STARD13: variants seen among roughly 807,000 people sequenced by gnomAD.
STARD13 encodes the protein StAR related lipid transfer domain containing 13, also known as stAR-related lipid transfer protein 13.
A neutral mutation model predicts 106.4 loss-of-function variants in STARD13; 62 were observed. That is an observed-to-expected ratio of 0.58 (90% CI 0.48 to 0.72). The LOEUF (loss-of-function observed/expected upper bound fraction) is 0.72. STARD13 is among the 30% of genes least tolerant of loss of function. STARD13 has a pLI of 0.00. For missense variants in STARD13, 1,387 were observed against 1,424.0 expected (o/e 0.97, Z 0.42); for synonymous variants, 565 against 553.0 (o/e 1.02, Z -0.31).
At chr13:33,122,931 T>C (rs1876565315) in intron 7 of STARD13, among the ~76,000 whole-genome samples, 1 of 151,730 alleles carries the variant, frequency 6.6e-6, no homozygotes, top group Admixed American at 6.6e-5. Context: ...GGTGCGTGCC[T>C]GTAAATCCCA....
the STARD13 span, among the ~76,000 whole-genome samples, chr13:33,575,923 CTAA>C: frequency 0.022 from 3,352 of 152,122 alleles, 113 homozygotes; most frequent in African/African-American, 0.077. Context: ...AGACACTTGC[CTAA>C]TAATGTTCAG....
chr13:33,172,679 C>A (rs998147606), intron 1 of STARD13, among the ~76,000 whole-genome samples: 1 of 152,122 alleles, frequency 6.6e-6, no homozygotes, highest in Non-Finnish European at 1.5e-5. Context: ...TTACGTTTTT[C>A]TCAGCATAGC....
chr13:33,430,278 G>A, the STARD13 span, among the ~76,000 whole-genome samples: 1 of 152,302 alleles, frequency 6.6e-6, no homozygotes, highest in Non-Finnish European at 1.5e-5. Flanking sequence ...AAATTATTGA[G>A]GGGATGGATA....
At chr13:33,512,258 A>G in the STARD13 span, among the ~76,000 whole-genome samples, 2,051 of 152,314 alleles carry the variant, frequency 0.013, 36 homozygotes, top group Admixed American at 0.044. Flanking sequence ...AGGACTGCTG[A>G]TTAAAGTGAT....
At chr13:33,427,839 T>C in the STARD13 span, among the ~76,000 whole-genome samples, 20 of 151,472 alleles carry the variant, frequency 1.3e-4, no homozygotes, top group African/African-American at 3.6e-4. Context: ...CCTGTAATCC[T>C]AGCTACTCGG....
At chr13:33,533,352 T>C in the STARD13 span, among the ~76,000 whole-genome samples, 12 of 152,274 alleles carry the variant, frequency 7.9e-5, no homozygotes, top group Admixed American at 6.5e-4. Flanking sequence ...AGCTTTAAAT[T>C]AGGTAAGATT....
chr13:33,441,022 C>T, the STARD13 span, among the ~76,000 whole-genome samples: 1 of 151,954 alleles, frequency 6.6e-6, no homozygotes, highest in Non-Finnish European at 1.5e-5. Context: ...ACCTCCTCCT[C>T]CACCTCCTTG....
At chr13:33,488,660 T>C in the STARD13 span, among the ~76,000 whole-genome samples, 1 of 152,218 alleles carries the variant, frequency 6.6e-6, no homozygotes, top group Non-Finnish European at 1.5e-5. Context: ...TTCCTGATCA[T>C]ACAAACACTT....
chr13:33,263,140 G>A (rs968943616), intron 1 of STARD13, among the ~76,000 whole-genome samples: 2 of 152,146 alleles, frequency 1.3e-5, no homozygotes, highest in Non-Finnish European at 2.9e-5. Flanking sequence ...TTTCTCAACA[G>A]TGGCACTATT....
chr13:33,132,987 T>A (rs1387439099), intron 4 of STARD13, among the ~76,000 whole-genome samples: 4 of 152,178 alleles, frequency 2.6e-5, no homozygotes, highest in African/African-American at 9.7e-5. Flanking sequence ...TTGTATTGCA[T>A]TTTAGGAAGC....
At chr13:33,242,058 C>T (rs1439732896) in intron 1 of STARD13, among the ~76,000 whole-genome samples, 9 of 150,744 alleles carry the variant, frequency 6.0e-5, no homozygotes, top group East Asian at 3.9e-4. Flanking sequence ...ATGTAGGGAG[C>T]GCCTCTGCCT....
At chr13:33,187,863 T>C (rs541661607) in intron 1 of STARD13, among the ~76,000 whole-genome samples, 1 of 152,256 alleles carries the variant, frequency 6.6e-6, no homozygotes, top group South Asian at 2.1e-4. Context: ...TTGTATTTTT[T>C]AGTAGAGACA....
chr13:33,498,848 A>G, the STARD13 span, among the ~76,000 whole-genome samples: 18 of 152,226 alleles, frequency 1.2e-4, no homozygotes, highest in African/African-American at 4.3e-4. Flanking sequence ...AATAGTCTCA[A>G]ATTCTTCCTA....
chr13:33,177,986 AAAGGAAGGAAGGAAGGAAGGAAGGAAAGG>A (rs1884852929), intron 1 of STARD13, among the ~76,000 whole-genome samples: 1 of 7,762 alleles, frequency 1.3e-4, no homozygotes, highest in African/African-American at 1.3e-3. Context: ...GGAAGGAAGG[AAAGGAAGGAAGGAAGGAAGGAAGGAAAGG>A]AAGGAAGGAA....
At chr13:33,316,762 C>G (rs992520073) in intron 1 of STARD13, among the ~76,000 whole-genome samples, 1 of 152,130 alleles carries the variant, frequency 6.6e-6, no homozygotes, top group Non-Finnish European at 1.5e-5. Context: ...GCATTCATTT[C>G]TTCATCTCCC....
At chr13:33,612,499 T>G in the STARD13 span, among the ~76,000 whole-genome samples, 3 of 152,126 alleles carry the variant, frequency 2.0e-5, no homozygotes, top group Admixed American at 2.0e-4. Context: ...GGGCACAGCC[T>G]CCTGGAAGCC....
the STARD13 span, among the ~76,000 whole-genome samples, chr13:33,632,533 C>G: frequency 6.6e-6 from 1 of 152,096 alleles, no homozygotes; most frequent in African/African-American, 2.4e-5. Flanking sequence ...GGATTTTGCT[C>G]CAAAGTATCC....
intron 1 of STARD13, among the ~76,000 whole-genome samples, chr13:33,233,490 T>G (rs1458649981): frequency 6.6e-6 from 1 of 152,190 alleles, no homozygotes; most frequent in Non-Finnish European, 1.5e-5. Context: ...CTGTCCCTTC[T>G]CCAGTTCTCC....
At chr13:33,312,957 A>G (rs1398479008) in intron 1 of STARD13, among the ~76,000 whole-genome samples, 2 of 152,238 alleles carry the variant, frequency 1.3e-5, no homozygotes, top group East Asian at 1.9e-4. Flanking sequence ...GGTGATAACA[A>G]TTCTAAGCCA....
Sources: allele counts gnomAD v4.1 joint callset (sites outside exome capture counted in the v4.1 genomes callset), GRCh38; gene constraint gnomAD v4.1.1; transcripts MANE v1.5; gene names NCBI Gene and HGNC (gene_info 2026-07-23, HGNC 2026-07-21).